ENTREP2: variants seen among roughly 807,000 people sequenced by gnomAD.
ENTREP2 encodes endosomal transmembrane epsin interactor 2, also known as protein ENTREP2.
chr15:29,503,074 A>G, the ENTREP2 span, among the ~76,000 whole-genome samples: 1 of 152,104 alleles, frequency 6.6e-6, no homozygotes, highest in African/African-American at 2.4e-5. Context: ...TTACCGTGTG[A>G]CTCTGTAATT....
At chr15:29,235,672 A>T in the ENTREP2 span, among the ~76,000 whole-genome samples, 1 of 152,334 alleles carries the variant, frequency 6.6e-6, no homozygotes, top group South Asian at 2.1e-4. Flanking sequence ...AGGAAACTAG[A>T]TAAAGAAGAG....
the ENTREP2 span, among the ~76,000 whole-genome samples, chr15:29,357,109 T>C: frequency 6.6e-6 from 1 of 152,206 alleles, no homozygotes; most frequent in East Asian, 1.9e-4. Context: ...CAGATTCTAG[T>C]GCCACTACAA....
At chr15:29,553,054 G>A in the ENTREP2 span, among the ~76,000 whole-genome samples, 1 of 152,352 alleles carries the variant, frequency 6.6e-6, no homozygotes, top group East Asian at 1.9e-4. Context: ...CCAACACTTT[G>A]GGAGGCCAAG....
the ENTREP2 span, among the ~76,000 whole-genome samples, chr15:29,513,149 T>G: frequency 6.6e-6 from 1 of 152,160 alleles, no homozygotes; most frequent in African/African-American, 2.4e-5. Flanking sequence ...ACTCACTGCC[T>G]TGTTTTACAT....
chr15:29,666,331 G>A, the ENTREP2 span, among the ~76,000 whole-genome samples: 13 of 152,056 alleles, frequency 8.5e-5, no homozygotes, highest in South Asian at 2.3e-3. Flanking sequence ...ACTTGACTCC[G>A]CTCATGCTCT....
At chr15:29,235,962 C>CA in the ENTREP2 span, among the ~76,000 whole-genome samples, 16 of 149,152 alleles carry the variant, frequency 1.1e-4, no homozygotes, top group Non-Finnish European at 1.5e-4. Context: ...GACTCCATCT[C>CA]AAAAAAAACA....
At chr15:29,314,009 AG>A in the ENTREP2 span, among the ~76,000 whole-genome samples, 1 of 152,228 alleles carries the variant, frequency 6.6e-6, no homozygotes, top group African/African-American at 2.4e-5. Context: ...CAGATGTGGT[AG>A]GAACAGCAGG....
At chr15:29,140,017 C>T in the ENTREP2 span, among the ~76,000 whole-genome samples, 2 of 152,192 alleles carry the variant, frequency 1.3e-5, no homozygotes, top group African/African-American at 4.8e-5. Flanking sequence ...GGCCGGCCTG[C>T]GGGGCGAGGA....
the ENTREP2 span, among the ~76,000 whole-genome samples, chr15:29,348,279 A>C: frequency 6.6e-6 from 1 of 152,158 alleles, no homozygotes; most frequent in East Asian, 1.9e-4. Flanking sequence ...GGCTTGATAC[A>C]TCATATAGGG....
At chr15:29,427,595 T>C in the ENTREP2 span, among the ~76,000 whole-genome samples, 17,641 of 152,054 alleles carry the variant, frequency 0.12, 1,175 homozygotes, top group East Asian at 0.31. Context: ...CACTCCTGAG[T>C]TCTGCTTCCA....
the ENTREP2 span, among the ~76,000 whole-genome samples, chr15:29,345,605 G>C: frequency 6.6e-6 from 1 of 152,078 alleles, no homozygotes; most frequent in Admixed American, 6.6e-5. Context: ...GACAGTTCTG[G>C]GACATTCTGT....
At chr15:29,351,389 A>G in the ENTREP2 span, among the ~76,000 whole-genome samples, 1 of 152,228 alleles carries the variant, frequency 6.6e-6, no homozygotes, top group South Asian at 2.1e-4. Flanking sequence ...TTCATTCCAC[A>G]GATGACATGG....
the ENTREP2 span, among the ~76,000 whole-genome samples, chr15:29,192,546 C>T: frequency 6.6e-6 from 1 of 152,090 alleles, no homozygotes; most frequent in Non-Finnish European, 1.5e-5. Context: ...GACAGAGTCT[C>T]CAAGGAGAGA....
At chr15:29,592,875 T>C in the ENTREP2 span, among the ~76,000 whole-genome samples, 2 of 152,176 alleles carry the variant, frequency 1.3e-5, no homozygotes, top group South Asian at 4.1e-4. Context: ...TCTCTTGTTA[T>C]GTGATCTCTG....
At chr15:29,418,998 T>G in the ENTREP2 span, among the ~76,000 whole-genome samples, 1 of 152,152 alleles carries the variant, frequency 6.6e-6, no homozygotes, top group Non-Finnish European at 1.5e-5. Context: ...AAAATAAAAA[T>G]TGTAATTAGG....
the ENTREP2 span, among the ~76,000 whole-genome samples, chr15:29,671,674 T>A: frequency 6.6e-6 from 1 of 152,198 alleles, no homozygotes; most frequent in Non-Finnish European, 1.5e-5. Flanking sequence ...CTCATCTGGG[T>A]CCCAATGGGC....
chr15:29,142,758 G>C, the ENTREP2 span, among the ~76,000 whole-genome samples: 2 of 152,168 alleles, frequency 1.3e-5, no homozygotes, highest in Non-Finnish European at 2.9e-5. Flanking sequence ...GCCTAATGGA[G>C]ATACATGTCA....
chr15:29,580,712 C>A, the ENTREP2 span, among the ~76,000 whole-genome samples: 1 of 152,186 alleles, frequency 6.6e-6, no homozygotes, highest in African/African-American at 2.4e-5. Context: ...TGGTACCTGG[C>A]ACCCATCTTC....
At chr15:29,571,018 G>C in the ENTREP2 span, among the ~76,000 whole-genome samples, 3 of 145,804 alleles carry the variant, frequency 2.1e-5, no homozygotes, top group Non-Finnish European at 4.6e-5. Flanking sequence ...CCGAGCGCGG[G>C]CGCGAGCCGC....
Sources: allele counts gnomAD v4.1 joint callset (sites outside exome capture counted in the v4.1 genomes callset), GRCh38; gene constraint gnomAD v4.1.1; transcripts MANE v1.5; gene names NCBI Gene and HGNC (gene_info 2026-07-23, HGNC 2026-07-21).